HLA-DMB: variants seen among roughly 807,000 people sequenced by gnomAD.
HLA-DMB encodes the protein HLA class II histocompatibility antigen, DM beta chain.
In HLA-DMB, 18 loss-of-function variants were observed where a neutral mutation model predicts 29.3. That is an observed-to-expected ratio of 0.62 (90% CI 0.43 to 0.91). The LOEUF (loss-of-function observed/expected upper bound fraction) is 0.91, where lower values mean the gene tolerates loss of function less well. Ranked by LOEUF, HLA-DMB falls within the 40% of genes least tolerant of loss-of-function variation. The probability of loss-of-function intolerance (pLI) is 0.00; values close to 1 mark genes in which losing one functional copy is unlikely to be tolerated. For synonymous variants in HLA-DMB, 143 were observed against 128.7 expected (o/e 1.11, Z -0.75); for missense variants, 258 against 320.9 (o/e 0.80, Z 1.50).
At chr6:32,936,601 A>G (rs543755431) in intron 3 of HLA-DMB, 2 of 152,582 alleles carry the variant, frequency 1.3e-5, no homozygotes, top group African/African-American at 4.8e-5. Context: ...GCCCCTGAGC[A>G]TGCATGCCAA....
chr6:32,936,123 C>T (rs151719), intron 3 of HLA-DMB: 117,390 of 161,634 alleles, frequency 0.73, 43,275 homozygotes, highest in South Asian at 0.84. Context: ...TTGTGTACCT[C>T]CTACATCTAG....
chr6:32,936,754 T>C (rs1033516497), intron 3 of HLA-DMB: 1 of 156,816 alleles, frequency 6.4e-6, no homozygotes, highest in African/African-American at 2.4e-5. Flanking sequence ...ACCAGAATAG[T>C]TGAAATCTAA....
At chr6:32,936,262 T>A (rs77318243) in intron 3 of HLA-DMB, 8,475 of 152,792 alleles carry the variant, frequency 0.055, 291 homozygotes, top group Non-Finnish European at 0.079. Flanking sequence ...ACACTCCATT[T>A]CTAAAGGGAG....
chr6:32,939,725 T>G (rs6920787), intron 1 of HLA-DMB, among the ~76,000 whole-genome samples: 3,364 of 152,276 alleles, frequency 0.022, 53 homozygotes, highest in South Asian at 0.038. Context: ...CCATGAATAT[T>G]TATAATTATT....
Position 32,938,472 on chromosome 6 carries a change from AG to A in HLA-DMB, c.337+211del, listed in dbSNP as rs113597290. 247 of 439,240 alleles carry A rather than the reference AG, an allele frequency of 5.6e-4. 2 individuals are homozygous for A. Among genetic ancestry groups the A allele is most frequent in the African/African-American group, 4.1e-3 (201 of 49,422 alleles). 27.2% of individuals were successfully genotyped at this position (439,240 alleles called of 1,614,324 possible). A position where few individuals can be genotyped will look rare whatever the true frequency, so the allele number is the denominator to read the frequency against. ...TCCCCACATGGCACCTCGCGGTTCA[AG>A]CCTCACCTCCCCTTCTTTACTCCTG... On this transcript the variant is annotated intron_variant, in intron 2 of 5. Transcript: ENST00000418107.
rs146028706 is a variant in HLA-DMB, at chr6:32,937,107, T to C, written c.622+65A>G. 1.9e-5 allele frequency: 26 copies of C among 1,402,836 alleles called. No homozygotes were observed. In the African/African-American group the frequency reaches 2.3e-4, roughly 12 times the overall value. 86.9% of individuals were successfully genotyped at this position (1,402,836 alleles called of 1,614,324 possible). A position where few individuals can be genotyped will look rare whatever the true frequency, so the allele number is the denominator to read the frequency against. On this transcript the variant is annotated intron_variant, in intron 3 of 5. Transcript: ENST00000418107. This position sits in a 1 kb window ranked among gnomAD's most constrained non-coding sequence, Gnocchi z 4.1. ...GCACTTCGCTGTCTACCATGTACCA[T>C]GTATCGATCCACATCTCATTTTCTC...
At chr6:32,939,071 A>C in intron 1 of HLA-DMB, 106 bp from the exon 2 acceptor site, 1 of 751,656 alleles carries the variant, frequency 1.3e-6, no homozygotes, top group Non-Finnish European at 1.8e-6. Context: ...AATATATAAA[A>C]CATACAGACG....
chr6:32,938,455 T>C, intron 2 of HLA-DMB: 1 of 410,920 alleles, frequency 2.4e-6, no homozygotes, highest in South Asian at 1.1e-4. Flanking sequence ...GCTCCCCACA[T>C]GGCACCTCGC....
At chr6:32,935,697 C>T in intron 3 of HLA-DMB, 45 bp from the exon 4 acceptor site, 1 of 1,403,494 alleles carries the variant, frequency 7.1e-7, no homozygotes, top group Non-Finnish European at 1.0e-6. Flanking sequence ...TGTTGCTCAC[C>T]CCCAGGGCAA....
Position 32,935,390 on chromosome 6 carries a change from G to A in HLA-DMB, c.740-13C>T. The A allele has an allele frequency of 6.2e-7, 1 of 1,603,640 alleles. No homozygotes were observed. Among genetic ancestry groups the A allele is most frequent in the Non-Finnish European group, 8.5e-7 (1 of 1,171,416 alleles). ...AGAGGAGTGTAACCTAAGAGAGGAA[G>A]ATACTTGATTATACCAGTCTTTGTG... On this transcript the variant is annotated splice_polypyrimidine_tract_variant and intron_variant, in intron 4 of 5. Transcript: ENST00000418107.
In HLA-DMB at chr6:32,937,089, G is replaced by T; in HGVS notation, c.622+83C>A. ...ACTCAGTCCCCATTTTCAGCACTTC[G>T]CTGTCTACCATGTACCATGTATCGA... On this transcript the variant is annotated intron_variant, in intron 3 of 5. Coordinates refer to ENST00000418107, the MANE Select transcript of HLA-DMB (RefSeq NM_002118.5). The surrounding 1 kb of genome is among the most constrained non-coding windows in gnomAD (Gnocchi z 4.1). The T allele has an allele frequency of 1.7e-6, 2 of 1,193,758 alleles. No homozygotes were observed. Among genetic ancestry groups the T allele is most frequent in the Admixed American group, 2.6e-5 (1 of 38,242 alleles). The allele number at this position is 1,193,758 out of a possible 1,614,324, so 73.9% of individuals were successfully genotyped here.
chr6:32,936,533 C>A (rs572194152), intron 3 of HLA-DMB: 40 of 152,388 alleles, frequency 2.6e-4, no homozygotes, highest in African/African-American at 8.7e-4. Context: ...ATACCTTTAA[C>A]TACTCCCGAC....
chr6:32,934,695 G>A lies in HLA-DMB; in HGVS notation c.*276C>T. The A allele has an allele frequency of 2.0e-6, 1 of 512,288 alleles. No homozygotes were observed. The highest frequency in any genetic ancestry group is 3.5e-6 in the Non-Finnish European group (1 of 288,494). The allele number at this position is 512,288 out of a possible 1,614,324, so 31.7% of individuals were successfully genotyped here. On this transcript the variant is annotated 3_prime_UTR_variant, in exon 6 of 6. Coordinates refer to ENST00000418107, the MANE Select transcript of HLA-DMB (RefSeq NM_002118.5). ...CAGTTGCTGTCCTCTATGGCACACT[G>A]AGAGCCCCAGGAGGGTCTTTAACTC...
Position 32,941,018 on chromosome 6 carries a change from G to T in HLA-DMB, c.-211C>A, listed in dbSNP as rs572822178. On this transcript the variant is annotated 5_prime_UTR_variant, in exon 1 of 6. Coordinates refer to ENST00000418107, the MANE Select transcript of HLA-DMB (RefSeq NM_002118.5). This position sits in a 1 kb window ranked among gnomAD's most constrained non-coding sequence, Gnocchi z 5.2. ...ATTAAATCTGTTCCTTCCAGCTCAC[G>T]GGAGTCCAGTGTCCCAAACAGGGAC... The T allele has an allele frequency of 7.7e-6, 4 of 516,332 alleles. No individual in the cohort carries two copies. Among genetic ancestry groups the T allele is most frequent in the Non-Finnish European group, 1.4e-5 (4 of 285,036 alleles). The allele number at this position is 516,332 out of a possible 1,614,324, so 32.0% of individuals were successfully genotyped here.
chr6:32,939,784 C>G (rs899243647), intron 1 of HLA-DMB, among the ~76,000 whole-genome samples: 5 of 151,886 alleles, frequency 3.3e-5, no homozygotes, highest in African/African-American at 9.7e-5. Context: ...AATAAGTAAA[C>G]TTTTCCTGAG....
In HLA-DMB at chr6:32,937,112, C is replaced by G; in HGVS notation, c.622+60G>C. 7.0e-7 allele frequency: 1 copy of G among 1,430,930 alleles called. No individual in the cohort carries two copies. Among genetic ancestry groups the G allele is most frequent in the South Asian group, 1.4e-5 (1 of 73,652 alleles). 88.6% of individuals were successfully genotyped at this position (1,430,930 alleles called of 1,614,324 possible). A position where few individuals can be genotyped will look rare whatever the true frequency, so the allele number is the denominator to read the frequency against. ...TCGCTGTCTACCATGTACCATGTATCGATCCACATCTCATTTTCTCTGCTT... is the reference window on the plus strand; with the variant it reads ...TCGCTGTCTACCATGTACCATGTATGGATCCACATCTCATTTTCTCTGCTT... On this transcript the variant is annotated intron_variant, in intron 3 of 5. Transcript: ENST00000418107. This position sits in a 1 kb window ranked among gnomAD's most constrained non-coding sequence, Gnocchi z 4.1.
At chr6:32,936,218 G>T (rs1775986000) in intron 3 of HLA-DMB, 1 of 153,142 alleles carries the variant, frequency 6.5e-6, no homozygotes, top group Admixed American at 6.5e-5. Flanking sequence ...TCTGAATCAT[G>T]TCCCACTCAG....
chr6:32,937,513 C>A lies in HLA-DMB; in HGVS notation c.338-57G>T. Reference sequence around the variant, plus strand: ...GAGGGTGACATTCTGGCTGCTTCCTCAACCTGGTTTCTTCCCTATCGCAAC... The same window carrying A: ...GAGGGTGACATTCTGGCTGCTTCCTAAACCTGGTTTCTTCCCTATCGCAAC... On this transcript the variant is annotated intron_variant, in intron 2 of 5. Transcript: ENST00000418107. The surrounding 1 kb of genome is among the most constrained non-coding windows in gnomAD (Gnocchi z 4.1). 6.5e-7 allele frequency: 1 copy of A among 1,533,026 alleles called. No individual in the cohort carries two copies. The highest frequency in any genetic ancestry group is 8.9e-7 in the Non-Finnish European group (1 of 1,123,498). 95.0% of individuals were successfully genotyped at this position (1,533,026 alleles called of 1,614,324 possible).
At chr6:32,940,724 G>A in intron 1 of HLA-DMB, 29 bp downstream of exon 1, 3 of 1,583,106 alleles carry the variant, frequency 1.9e-6, no homozygotes, top group Non-Finnish European at 2.6e-6. Context: ...AGCAGGGGAA[G>A]GGAGAGTCCC....
Sources: allele counts gnomAD v4.1 joint callset (sites outside exome capture counted in the v4.1 genomes callset), GRCh38; gene constraint gnomAD v4.1.1; non-coding constraint Gnocchi (gnomAD v3.1); transcripts MANE v1.5; gene names NCBI Gene and HGNC (gene_info 2026-07-23, HGNC 2026-07-21).